The following DOCK7 variants were observed in gnomAD, a reference collection of about 807,000 sequenced individuals.
DOCK7 encodes the protein dedicator of cytokinesis 7.
A neutral mutation model predicts 271.0 loss-of-function variants in DOCK7; 138 were observed. The ratio of observed to expected loss-of-function variants is 0.51; its 90% confidence interval spans 0.44 to 0.59. DOCK7 has a LOEUF of 0.59. Among genes scored for constraint, DOCK7 ranks in the 20% least tolerant of loss-of-function variants. The pLI, the probability that DOCK7 is intolerant of heterozygous loss-of-function variation, is 0.00. For synonymous variants in DOCK7, 823 were observed against 876.1 expected, an observed-to-expected ratio of 0.94 and a Z score of 1.07; for missense variants, 2,066 against 2,592.4, an observed-to-expected ratio of 0.80 and a Z score of 4.41.
chr1:62,688,231 TG>T lies in DOCK7; in HGVS notation c.33del (p.Ser12AlafsTer44). On this transcript the variant is annotated frameshift_variant, in exon 1 of 50. Coordinates refer to ENST00000635253, the MANE Select transcript of DOCK7 (RefSeq NM_001367561.1). LOFTEE classifies it high-confidence loss of function. ...CGCCCCACGCCGGATATTTACCTGC[TG>T]ATCTTCTGGGCGAAGGCGCGGCGCT... MAERRAFAQKISRTVAAEVRK... is the reference protein window; with the variant it reads MAERRAFAQKXSRTVAAEVRK... 7.3e-7 allele frequency: 1 copy of T among 1,377,146 alleles called. No individual in the cohort carries two copies. Among genetic ancestry groups the T allele is most frequent in the Non-Finnish European group, 9.5e-7 (1 of 1,052,978 alleles). The allele number at this position is 1,377,146 out of a possible 1,614,324, so 85.3% of individuals were successfully genotyped here.
At chr1:62,493,921 TCTG>T (rs1218871079) in intron 40 of DOCK7, among the ~76,000 whole-genome samples, 3 of 152,170 alleles carry the variant, frequency 2.0e-5, no homozygotes, top group Non-Finnish European at 2.9e-5. Context: ...TGTTGGTATA[TCTG>T]CTATGTGAAG....
chr1:62,469,361 A>T (rs1474930330), intron 48 of DOCK7, among the ~76,000 whole-genome samples: 9 of 152,208 alleles, frequency 5.9e-5, no homozygotes, highest in Non-Finnish European at 1.2e-4. Flanking sequence ...GATAATTGGC[A>T]AGCCATATAC....
chr1:62,556,808 G>A (rs1247300475), intron 20 of DOCK7, among the ~76,000 whole-genome samples: 1 of 152,094 alleles, frequency 6.6e-6, no homozygotes, highest in Admixed American at 6.6e-5. Flanking sequence ...CAGATAAAAT[G>A]GTCATTTAGG....
chr1:62,493,749 C>T (rs973515682), intron 40 of DOCK7, among the ~76,000 whole-genome samples: 8 of 152,152 alleles, frequency 5.3e-5, no homozygotes, highest in African/African-American at 1.9e-4. Context: ...CTCAAACCTA[C>T]TATTAACAGG....
At chr1:62,589,474 T>A (rs1241501104) in intron 14 of DOCK7, among the ~76,000 whole-genome samples, 1 of 152,150 alleles carries the variant, frequency 6.6e-6, no homozygotes, top group Non-Finnish European at 1.5e-5. Flanking sequence ...ACTCTTATTT[T>A]TTTTTCCCCC....
intron 44 of DOCK7, among the ~76,000 whole-genome samples, chr1:62,476,512 T>C (rs1359041392): frequency 6.6e-6 from 1 of 152,148 alleles, no homozygotes; most frequent in African/African-American, 2.4e-5. Context: ...TGTATAAAAA[T>C]CTTAGTTTTA....
chr1:62,519,449 A>C (rs1644778443), intron 31 of DOCK7, among the ~76,000 whole-genome samples: 1 of 152,208 alleles, frequency 6.6e-6, no homozygotes, highest in Non-Finnish European at 1.5e-5. Context: ...ATCAGAAACA[A>C]GGATATCTAG....
In DOCK7 at chr1:62,492,715, A is replaced by G; in HGVS notation, c.5350T>C (p.Ser1784Pro). 4 of 1,614,080 alleles carry G rather than the reference A, an allele frequency of 2.5e-6. No homozygotes were observed. Among genetic ancestry groups the G allele is most frequent in the Non-Finnish European group, 3.4e-6 (4 of 1,179,974 alleles). ...CAAGAGTCATCTACCATAGAGAAGG[A>G]AGCAGCTGCTTGTTCCAGTAATCCC... ...LVGLLEQAAA[S>P]FSMAGMYEAV... is the part of the protein sequence containing the mutation. The change falls in exon 41 of 50, where the codon TCC becomes CCC. Residue 1784 changes from serine to proline, a missense_variant. Transcript: ENST00000635253.
intron 37 of DOCK7, among the ~76,000 whole-genome samples, chr1:62,501,446 C>G (rs1646780989): frequency 6.6e-6 from 1 of 152,070 alleles, no homozygotes; most frequent in East Asian, 1.9e-4. Flanking sequence ...GCAATTAAAT[C>G]AAGTGAAGTA....
intron 14 of DOCK7, among the ~76,000 whole-genome samples, chr1:62,596,621 C>CTT (rs1469074749): frequency 1.2e-3 from 181 of 151,864 alleles, no homozygotes; most frequent in Non-Finnish European, 2.0e-3. Context: ...CCAGCATGGG[C>CTT]AATACATTAA....
At chr1:62,553,352 ATATTTTTTTTTTTTTTTTTTTT>A (rs1447539879) in intron 21 of DOCK7, among the ~76,000 whole-genome samples, 62 of 9,416 alleles carry the variant, frequency 6.6e-3, no homozygotes, top group African/African-American at 0.019. Context: ...ATATATATAT[ATATTTTTTTTTTTTTTTTTTTT>A]TTTTTTTTTT....
At chr1:62,460,605 ACACACAC>A (rs1645493101) in intron 48 of DOCK7, among the ~76,000 whole-genome samples, 2 of 336 alleles carry the variant, frequency 6.0e-3, no homozygotes, top group Admixed American at 0.062. Flanking sequence ...AATGTATTGA[ACACACAC>A]ACACACACAC....
chr1:62,563,863 CAAAAAAAAAAAAAAAAAAAAAAA>C (rs71045848), intron 18 of DOCK7, among the ~76,000 whole-genome samples: 11 of 38,814 alleles, frequency 2.8e-4, no homozygotes, highest in South Asian at 1.1e-3. Flanking sequence ...ATTTACCAAG[CAAAAAAAAAAAAAAAAAAAAAAA>C]AAAAAAAAAA....
intron 36 of DOCK7, among the ~76,000 whole-genome samples, 200 bp from the exon 37 acceptor site, chr1:62,504,982 T>TCCAA (rs1646898588): frequency 6.6e-6 from 1 of 152,194 alleles, no homozygotes. Flanking sequence ...TACTAACTAG[T>TCCAA]AGTGGGACCT....
At chr1:62,476,891 ATTTATGTCAGTTTGGCCAG>A (rs1286022956) in intron 44 of DOCK7, 1 of 152,246 alleles carries the variant, frequency 6.6e-6, no homozygotes, top group African/African-American at 2.4e-5. Flanking sequence ...GTTTGAGCCA[ATTTATGTCAGTTTGGCCAG>A]AGAAGTCACC....
At chr1:62,677,868 T>C (rs964523442) in intron 1 of DOCK7, among the ~76,000 whole-genome samples, 3 of 152,234 alleles carry the variant, frequency 2.0e-5, no homozygotes, top group East Asian at 3.8e-4. Flanking sequence ...CAGAGGCTCA[T>C]GCCTGTAATC....
Position 62,487,429 on chromosome 1 carries a change from A to G in DOCK7, c.5494-17T>C. The G allele has an allele frequency of 6.2e-7, 1 of 1,609,714 alleles. No homozygotes were observed. The highest frequency in any genetic ancestry group is 1.1e-5 in the South Asian group (1 of 90,712). On this transcript the variant is annotated splice_polypyrimidine_tract_variant and intron_variant, in intron 42 of 49. Coordinates refer to ENST00000635253, the MANE Select transcript of DOCK7 (RefSeq NM_001367561.1). Reference sequence around the variant, plus strand: ...GCCAGTACTCTGTATAATAAAAAGTAAAAAAGGGCAAGTCATAAAAAAACT... The same window carrying G: ...GCCAGTACTCTGTATAATAAAAAGTGAAAAAGGGCAAGTCATAAAAAAACT...
chr1:62,654,242 T>C, intron 2 of DOCK7, 83 bp from the exon 3 acceptor site: 1 of 1,333,724 alleles, frequency 7.5e-7, no homozygotes, highest in Non-Finnish European at 1.0e-6. Flanking sequence ...AATAACATTT[T>C]TTTAAATAAA....
chr1:62,492,672 C>G (rs1292342452), intron 41 of DOCK7, 32 bp downstream of exon 41: 1 of 1,612,484 alleles, frequency 6.2e-7, no homozygotes, highest in Non-Finnish European at 8.5e-7. Context: ...AGGTATGAAA[C>G]TGTGGGAAAA....
Sources: allele counts gnomAD v4.1 joint callset (sites outside exome capture counted in the v4.1 genomes callset), GRCh38; gene constraint gnomAD v4.1.1; transcripts MANE v1.5; gene names NCBI Gene and HGNC (gene_info 2026-07-23, HGNC 2026-07-21).